The following PRELID2 variants were observed in gnomAD, a reference collection of about 807,000 sequenced individuals.
PRELID2 encodes the protein PRELI domain containing 2.
A neutral mutation model predicts 28.4 loss-of-function variants in PRELID2; 25 were observed. The ratio of observed to expected loss-of-function variants is 0.88; its 90% CI spans 0.64 to 1.23. The LOEUF is 1.23. Among genes scored for constraint, PRELID2 ranks in the 50% most tolerant of loss-of-function variants. The pLI, the probability that PRELID2 is intolerant of heterozygous loss-of-function variation, is 0.00. For missense variants in PRELID2, 201 were observed against 214.4 expected (o/e 0.94, Z 0.39); for synonymous variants, 76 against 71.6 (o/e 1.06, Z -0.31).
chr5:145,661,766 T>C (rs1399497269), intron 1 of PRELID2, among the ~76,000 whole-genome samples: 3 of 151,238 alleles, frequency 2.0e-5, no homozygotes, highest in Non-Finnish European at 2.9e-5. Context: ...AAACAGCATG[T>C]AGTCAACAAG....
At chr5:145,790,245 T>C (rs1416103279) in intron 5 of PRELID2, among the ~76,000 whole-genome samples, 2 of 152,158 alleles carry the variant, frequency 1.3e-5, no homozygotes, top group African/African-American at 4.8e-5. Context: ...GGAATCAACC[T>C]AAGTGTTCAA....
At chr5:145,312,543 C>T in the PRELID2 span, among the ~76,000 whole-genome samples, 4 of 152,154 alleles carry the variant, frequency 2.6e-5, no homozygotes, top group Admixed American at 6.6e-5. Flanking sequence ...TGGTAACCAT[C>T]GGTCTACTCT....
At chr5:145,522,557 T>C (rs991653242) in intron 1 of PRELID2, among the ~76,000 whole-genome samples, 1 of 152,194 alleles carries the variant, frequency 6.6e-6, no homozygotes, top group African/African-American at 2.4e-5. Context: ...TTTTCCCAAA[T>C]GATGGCGTGT....
At chr5:145,411,030 C>G in the PRELID2 span, among the ~76,000 whole-genome samples, 1 of 151,926 alleles carries the variant, frequency 6.6e-6, no homozygotes. Flanking sequence ...AAATAAAGGG[C>G]CTACAGTCTC....
At chr5:145,707,847 T>C (rs1755588367) in intron 1 of PRELID2, among the ~76,000 whole-genome samples, 3 of 152,132 alleles carry the variant, frequency 2.0e-5, no homozygotes, top group African/African-American at 7.2e-5. Context: ...AAGGAGAGCA[T>C]GCAAAAGGCT....
the PRELID2 span, among the ~76,000 whole-genome samples, chr5:145,235,265 T>C: frequency 6.6e-6 from 1 of 152,160 alleles, no homozygotes; most frequent in Non-Finnish European, 1.5e-5. Flanking sequence ...ATTCTTATGG[T>C]AAGGTGACAG....
chr5:145,383,034 T>G, the PRELID2 span, among the ~76,000 whole-genome samples: 1 of 151,756 alleles, frequency 6.6e-6, no homozygotes, highest in African/African-American at 2.4e-5. Flanking sequence ...GACTCAACAT[T>G]GTTAAGATAT....
the PRELID2 span, among the ~76,000 whole-genome samples, chr5:145,449,151 G>A: frequency 2.0e-5 from 3 of 152,128 alleles, no homozygotes; most frequent in Admixed American, 6.6e-5. Flanking sequence ...AGAGGAAGGA[G>A]AACATCTCTT....
At chr5:145,375,018 G>A in the PRELID2 span, among the ~76,000 whole-genome samples, 1 of 152,032 alleles carries the variant, frequency 6.6e-6, no homozygotes, top group Non-Finnish European at 1.5e-5. Context: ...CCAGTTCTGT[G>A]CCCTTGCTGG....
chr5:145,260,069 C>T, the PRELID2 span, among the ~76,000 whole-genome samples: 2 of 152,280 alleles, frequency 1.3e-5, no homozygotes, highest in Admixed American at 1.3e-4. Context: ...TCCCCTCGCA[C>T]TCTCTTTCTT....
chr5:145,679,204 T>C lies in PRELID2; in HGVS notation n.70+85727A>G, dbSNP rs186801144. On this transcript the variant is annotated intron_variant and non_coding_transcript_variant, in intron 1 of 2. Transcript: ENST00000510259. ...TTGGTTCCCAGAACCATAATTTCTA[T>C]GTTCCCTATTCCCCTTGGGCTGAGG... 1.3e-3 allele frequency among the ~76,000 whole-genome samples: 199 copies of C among 150,446 alleles called. 1 individual carries two copies. The highest frequency in any genetic ancestry group is 4.6e-3 in the African/African-American group (190 of 40,962).
chr5:145,803,972 T>C (rs752685445), intron 4 of PRELID2, among the ~76,000 whole-genome samples: 1 of 152,074 alleles, frequency 6.6e-6, no homozygotes, highest in Non-Finnish European at 1.5e-5. Flanking sequence ...TACCACACAC[T>C]CTGCACTGTG....
At chr5:145,472,448 G>A (rs1448675727) in intron 2 of PRELID2, among the ~76,000 whole-genome samples, 1 of 152,092 alleles carries the variant, frequency 6.6e-6, no homozygotes, top group Non-Finnish European at 1.5e-5. Context: ...GACAGAGCAG[G>A]ACTGAAACCC....
intron 1 of PRELID2, among the ~76,000 whole-genome samples, chr5:145,696,921 G>A (rs1444695591): frequency 6.6e-6 from 1 of 150,562 alleles, no homozygotes; most frequent in African/African-American, 2.4e-5. Flanking sequence ...GACCACTTTT[G>A]GTAATAAAGG....
the PRELID2 span, among the ~76,000 whole-genome samples, chr5:145,270,996 C>G: frequency 1.9e-4 from 29 of 152,220 alleles, no homozygotes; most frequent in Non-Finnish European, 4.0e-4. Flanking sequence ...CAAGGATCTT[C>G]TTCACATGGC....
chr5:145,632,375 G>A (rs986706302), intron 1 of PRELID2, among the ~76,000 whole-genome samples: 10 of 152,210 alleles, frequency 6.6e-5, no homozygotes, highest in Admixed American at 3.3e-4. Context: ...ATCACTTAAC[G>A]ATCTAACAAT....
intron 4 of PRELID2, among the ~76,000 whole-genome samples, chr5:145,807,748 C>T (rs1387708203): frequency 6.6e-6 from 1 of 152,164 alleles, no homozygotes; most frequent in South Asian, 2.1e-4. Flanking sequence ...CCCACAAGTA[C>T]TGTCTGCATC....
At chr5:145,672,494 A>G (rs1754727036) in intron 1 of PRELID2, among the ~76,000 whole-genome samples, 2 of 134,310 alleles carry the variant, frequency 1.5e-5, no homozygotes, top group African/African-American at 6.7e-5. Flanking sequence ...TTCCCCACGG[A>G]GCTTGTGAAA....
intron 1 of PRELID2, among the ~76,000 whole-genome samples, chr5:145,607,436 T>C (rs1310523514): frequency 1.3e-5 from 2 of 152,184 alleles, no homozygotes; most frequent in East Asian, 1.9e-4. Flanking sequence ...GAGATTCTGG[T>C]ATGTTGTATC....
Sources: gnomAD v4.1 joint callset for allele counts (sites outside exome capture counted in the v4.1 genomes callset) on GRCh38, gnomAD v4.1.1 for gene constraint, MANE v1.5 for transcripts, NCBI Gene and HGNC (gene_info 2026-07-23, HGNC 2026-07-21) for gene names.